Variants in PODXL2 observed in about 807,000 individuals in gnomAD.
The protein encoded by PODXL2 is podocalyxin-like protein 2.
In PODXL2, 17 loss-of-function variants were observed where a neutral mutation model predicts 53.4. That is an observed-to-expected ratio of 0.32 (90% CI 0.22 to 0.48). The LOEUF is 0.48. Ranked by LOEUF, PODXL2 falls within the 20% of genes least tolerant of loss-of-function variation. PODXL2 has a pLI of 0.99. For missense variants in PODXL2, 673 were observed against 760.0 expected, an observed-to-expected ratio of 0.89 and a Z score of 1.35; for synonymous variants, 311 against 306.7, an observed-to-expected ratio of 1.01 and a Z score of -0.15.
At chr3:127,649,073 T>G (rs1284710440) in intron 2 of PODXL2, among the ~76,000 whole-genome samples, 1 of 152,180 alleles carries the variant, frequency 6.6e-6, no homozygotes, top group Non-Finnish European at 1.5e-5. Context: ...ATTACAGGCA[T>G]GAGCCATTGC....
chr3:127,653,362 T>G (rs551248889), intron 2 of PODXL2, among the ~76,000 whole-genome samples: 15 of 152,190 alleles, frequency 9.9e-5, no homozygotes, highest in Non-Finnish European at 1.6e-4. Flanking sequence ...AGTCAGTGTC[T>G]CAGGCCGGGT....
chr3:127,658,406 CTT>C (rs60979669), intron 2 of PODXL2, among the ~76,000 whole-genome samples: 1,191 of 87,350 alleles, frequency 0.014, 5 homozygotes, highest in African/African-American at 0.044. Context: ...TTTCCCATGT[CTT>C]TTTTTTTTTT....
chr3:127,661,232 G>A (rs2074765755), intron 3 of PODXL2, 73 bp downstream of exon 3: 1 of 1,174,948 alleles, frequency 8.5e-7, no homozygotes, highest in Non-Finnish European at 1.2e-6. Flanking sequence ...GGGCTAGTGT[G>A]GCATGGGGGC....
intron 3 of PODXL2, among the ~76,000 whole-genome samples, chr3:127,661,744 A>C (rs908059663): frequency 3.3e-5 from 5 of 152,018 alleles, no homozygotes; most frequent in Admixed American, 6.6e-5. Context: ...GCCCACACTT[A>C]GACTTCTGCA....
chr3:127,633,136 T>G (rs2074557080), intron 1 of PODXL2, among the ~76,000 whole-genome samples: 1 of 152,254 alleles, frequency 6.6e-6, no homozygotes, highest in African/African-American at 2.4e-5. Flanking sequence ...AAGAGATTCC[T>G]TCAATTGATT....
chr3:127,634,011 A>G (rs2074563087), intron 1 of PODXL2, among the ~76,000 whole-genome samples: 2 of 151,952 alleles, frequency 1.3e-5, no homozygotes, highest in African/African-American at 4.8e-5. Context: ...AGCGTAGAGT[A>G]TGATTGGGGA....
rs527420681 is a variant in PODXL2 at position 127,669,649 on chromosome 3, C to T, written c.1425+447C>T. The stretch of plus-strand genomic sequence containing the variant: ...ACCTGGACATGTGACTTGGCGTGGA[C>T]GTGTGAATCTACTGGTGCTTGCACG... On this transcript the variant is annotated intron_variant, in intron 6 of 7. Coordinates refer to ENST00000342480, the MANE Select transcript of PODXL2 (RefSeq NM_015720.4). Among the ~76,000 whole-genome samples the T allele has an allele frequency of 7.2e-5, 11 of 152,320 alleles. No individual in the cohort carries two copies. In the East Asian group the frequency reaches 9.6e-4, roughly 13 times the overall value.
At chr3:127,648,341 T>C (rs2074668160) in intron 2 of PODXL2, among the ~76,000 whole-genome samples, 1 of 152,242 alleles carries the variant, frequency 6.6e-6, no homozygotes, top group Non-Finnish European at 1.5e-5. Context: ...TGTGATTGTG[T>C]CTGCTGTAGA....
At chr3:127,631,369 T>C (rs2074544177) in intron 1 of PODXL2, among the ~76,000 whole-genome samples, 1 of 152,138 alleles carries the variant, frequency 6.6e-6, no homozygotes, top group Non-Finnish European at 1.5e-5. Flanking sequence ...CAGGGACTGA[T>C]TTGAAAAGGT....
intron 2 of PODXL2, among the ~76,000 whole-genome samples, chr3:127,651,537 A>G (rs1576430703): frequency 6.6e-6 from 1 of 152,196 alleles, no homozygotes; most frequent in South Asian, 2.1e-4. Context: ...GTAAGTCAAT[A>G]ACACAGAAAT....
At chr3:127,652,595 G>A (rs1221282258) in intron 2 of PODXL2, among the ~76,000 whole-genome samples, 3 of 152,148 alleles carry the variant, frequency 2.0e-5, no homozygotes, top group African/African-American at 7.2e-5. Context: ...ATCCTTCAGT[G>A]CCCCAGCTCT....
chr3:127,639,627 A>T, intron 2 of PODXL2, 104 bp downstream of exon 2: 1 of 1,096,400 alleles, frequency 9.1e-7, no homozygotes, highest in Non-Finnish European at 1.3e-6. Context: ...CTCTCTCCCT[A>T]CAGTTTTTAC....
In PODXL2 at chr3:127,629,988, C is replaced by T. The variant is rs552020203; in HGVS notation, c.70+699C>T. On this transcript the variant is annotated intron_variant, in intron 1 of 7. Coordinates refer to ENST00000342480, the MANE Select transcript of PODXL2 (RefSeq NM_015720.4). This position sits in a 1 kb window ranked among gnomAD's most constrained non-coding sequence, Gnocchi z 6.4. ...TGTGGTTTCCATTCAGCAGCCACGC[C>T]GGGCGGCGGGCTGTGTGGGTGCGTG... 1.3e-5 allele frequency among the ~76,000 whole-genome samples: 2 copies of T among 151,990 alleles called. No individual in the cohort carries two copies. Among genetic ancestry groups the T allele is most frequent in the South Asian group, 4.2e-4 (2 of 4,802 alleles).
At chr3:127,646,137 G>C (rs1235063714) in intron 2 of PODXL2, among the ~76,000 whole-genome samples, 2 of 152,166 alleles carry the variant, frequency 1.3e-5, no homozygotes, top group Non-Finnish European at 2.9e-5. Context: ...GGGGTTGTGG[G>C]TTCTCATTTA....
At position 127,671,414 on chromosome 3, in the gene PODXL2, C is replaced by A; in HGVS notation, c.1426-20C>A. ...CACCCCAGGACCTCAGCTGAGGAAACTGGCCCCTCCCACCCCTAGATTGGC... is the reference window on the plus strand; with the variant it reads ...CACCCCAGGACCTCAGCTGAGGAAAATGGCCCCTCCCACCCCTAGATTGGC... On this transcript the variant is annotated intron_variant, in intron 6 of 7. Transcript: ENST00000342480. The A allele has an allele frequency of 6.2e-7, 1 of 1,611,048 alleles. No individual in the cohort carries two copies. Among genetic ancestry groups the A allele is most frequent in the Non-Finnish European group, 8.5e-7 (1 of 1,177,608 alleles).
At chr3:127,656,249 G>A (rs1021721325) in intron 2 of PODXL2, among the ~76,000 whole-genome samples, 1 of 152,172 alleles carries the variant, frequency 6.6e-6, no homozygotes, top group Non-Finnish European at 1.5e-5. Flanking sequence ...TCAGTGATAT[G>A]AAGAACCTTA....
At chr3:127,658,270 C>T (rs2074738109) in intron 2 of PODXL2, among the ~76,000 whole-genome samples, 1 of 152,078 alleles carries the variant, frequency 6.6e-6, no homozygotes, top group South Asian at 2.1e-4. Flanking sequence ...ATCAATTTTT[C>T]TTTTTGAAAT....
chr3:127,633,472 T>TTG (rs60042269), intron 1 of PODXL2, among the ~76,000 whole-genome samples: 1,532 of 140,892 alleles, frequency 0.011, 13 homozygotes, highest in South Asian at 0.02. Flanking sequence ...ATTACAAATT[T>TTG]TGTGTGTGTG....
intron 2 of PODXL2, among the ~76,000 whole-genome samples, chr3:127,656,734 CAAAAAAAAAAA>C (rs71150487): frequency 2.8e-4 from 8 of 28,082 alleles, no homozygotes; most frequent in East Asian, 2.0e-3. Flanking sequence ...GACTCCATCT[CAAAAAAAAAAA>C]AAAAAAAAAA....
Sources: gnomAD v4.1 joint callset for allele counts (sites outside exome capture counted in the v4.1 genomes callset) on GRCh38, gnomAD v4.1.1 for gene constraint, Gnocchi (gnomAD v3.1) non-coding constraint, MANE v1.5 for transcripts, NCBI Gene and HGNC (gene_info 2026-07-23, HGNC 2026-07-21) for gene names.